Variants in TM9SF3 observed in about 807,000 individuals in gnomAD.
The protein encoded by TM9SF3 is transmembrane 9 superfamily member 3.
In TM9SF3, 14 loss-of-function variants were observed where a neutral mutation model predicts 78.6. The ratio of observed to expected loss-of-function variants is 0.18; its 90% CI spans 0.12 to 0.28. TM9SF3 has a LOEUF of 0.28. Ranked by LOEUF, TM9SF3 falls within the 10% of genes least tolerant of loss-of-function variation. The pLI, the probability that TM9SF3 is intolerant of heterozygous loss-of-function variation, is 1.00. For missense variants in TM9SF3, 496 were observed against 721.9 expected (o/e 0.69, Z 3.59); for synonymous variants, 231 against 241.7 (o/e 0.96, Z 0.41).
rs1463059943 is a variant in TM9SF3 at position 96,527,456 on chromosome 10, A to C, written c.1582T>G (p.Tyr528Asp). The C allele has an allele frequency of 6.2e-7, 1 of 1,611,492 alleles. No homozygotes were observed. The highest frequency in any genetic ancestry group is 8.5e-7 in the Non-Finnish European group (1 of 1,178,590). The change falls in exon 13 of 15, where the codon TAT (tyrosine) becomes GAT (aspartate). Residue 528 changes from tyrosine to aspartate, a missense_variant. Physicochemically the swap from Tyr to Asp is radical, Grantham distance 160 (BLOSUM62 -3). This residue lies in a region of TM9SF3 where 280 missense variants were observed against 422.6 expected (regional missense o/e 0.66). Transcript: ENST00000371142. The part of the protein sequence containing the change: ...SFLSAASTAI[Y>D]VYMYSFYYYF... The stretch of plus-strand genomic sequence containing the variant: ...TAGTAAAAGGAATACATGTAAACAT[A>C]GATTGCAGTTGATGCAGCAGAGAGA...
intron 9 of TM9SF3, among the ~76,000 whole-genome samples, chr10:96,540,960 T>C (rs1037754428): frequency 2.0e-5 from 3 of 151,818 alleles, no homozygotes; most frequent in Non-Finnish European, 2.9e-5. Flanking sequence ...GTATTTTTAG[T>C]AGAGACGGGG....
chr10:96,545,386 A>T (rs17482894), intron 8 of TM9SF3, among the ~76,000 whole-genome samples: 83 of 152,294 alleles, frequency 5.4e-4, no homozygotes, highest in South Asian at 1.2e-3. Context: ...ACGTTCCTCC[A>T]GAAAAACTCC....
At chr10:96,541,437 G>A (rs564302983) in intron 9 of TM9SF3, among the ~76,000 whole-genome samples, 4 of 151,830 alleles carry the variant, frequency 2.6e-5, no homozygotes, top group African/African-American at 7.2e-5. Context: ...GTGCAATGGC[G>A]TGATCTCAGC....
At chr10:96,586,316 T>G (rs1167858389) in intron 1 of TM9SF3, among the ~76,000 whole-genome samples, 3 of 152,178 alleles carry the variant, frequency 2.0e-5, no homozygotes, top group East Asian at 3.9e-4. Context: ...TGCATCCATC[T>G]TCCTCGGCGT....
intron 8 of TM9SF3, 40 bp downstream of exon 8, chr10:96,547,855 A>T: frequency 6.7e-7 from 1 of 1,486,624 alleles, no homozygotes. Flanking sequence ...AAATATTAGC[A>T]TCTATAATTA....
intron 2 of TM9SF3, among the ~76,000 whole-genome samples, chr10:96,570,556 C>A (rs927398526): frequency 6.6e-6 from 1 of 152,186 alleles, no homozygotes; most frequent in Non-Finnish European, 1.5e-5. Flanking sequence ...ATTATTTGGT[C>A]TGGCTAAAAC....
At chr10:96,569,893 G>A (rs973701516) in intron 2 of TM9SF3, among the ~76,000 whole-genome samples, 1 of 152,276 alleles carries the variant, frequency 6.6e-6, no homozygotes, top group South Asian at 2.1e-4. Flanking sequence ...TCAGCTTGGC[G>A]TGGTGGCGTG....
intron 12 of TM9SF3, 133 bp downstream of exon 12, chr10:96,527,898 G>T: frequency 2.3e-6 from 2 of 872,584 alleles, no homozygotes; most frequent in South Asian, 2.6e-5. Flanking sequence ...TTTATAACTG[G>T]AAAAAAATCC....
At chr10:96,565,540 AT>A in intron 2 of TM9SF3, 114 bp from the exon 3 acceptor site, 1 of 1,207,820 alleles carries the variant, frequency 8.3e-7, no homozygotes, top group Non-Finnish European at 1.1e-6. Context: ...TCTATTCACA[AT>A]AGCTGAATCT....
chr10:96,563,187 T>C (rs1690188000), intron 3 of TM9SF3, among the ~76,000 whole-genome samples: 1 of 152,128 alleles, frequency 6.6e-6, no homozygotes, highest in Non-Finnish European at 1.5e-5. Flanking sequence ...ACAATCCTCC[T>C]ACCTCAGCCT....
chr10:96,547,732 A>C (rs573006299), intron 8 of TM9SF3, among the ~76,000 whole-genome samples, 163 bp downstream of exon 8: 1 of 152,324 alleles, frequency 6.6e-6, no homozygotes, highest in South Asian at 2.1e-4. Flanking sequence ...AGGCACGAGA[A>C]TCGCTTGAAC....
chr10:96,579,034 C>A (rs1319071038), intron 1 of TM9SF3, among the ~76,000 whole-genome samples: 1 of 152,170 alleles, frequency 6.6e-6, no homozygotes, highest in Admixed American at 6.5e-5. Context: ...CCTGAGATTG[C>A]GCCACTGCAC....
intron 1 of TM9SF3, among the ~76,000 whole-genome samples, chr10:96,581,552 A>T (rs1176735090): frequency 6.6e-6 from 1 of 152,248 alleles, no homozygotes; most frequent in Non-Finnish European, 1.5e-5. Flanking sequence ...TCTCAAAAAT[A>T]GCTTTGTACC....
In TM9SF3 at chr10:96,521,659, T is replaced by C. The variant is rs926284585; in HGVS notation, c.*604A>G. Reference sequence around the variant, plus strand: ...TTGGTCCAACTAAGATGACAGCAGATATATTACATGCAGGATTTAATATTT... The same window carrying C: ...TTGGTCCAACTAAGATGACAGCAGACATATTACATGCAGGATTTAATATTT... On this transcript the variant is annotated 3_prime_UTR_variant, in exon 15 of 15. Coordinates refer to ENST00000371142, the MANE Select transcript of TM9SF3 (RefSeq NM_020123.4). The C allele has an allele frequency of 6.6e-6, 1 of 152,142 alleles. No individual in the cohort carries two copies. Among genetic ancestry groups the C allele is most frequent in the South Asian group, 2.1e-4 (1 of 4,820 alleles). 9.4% of individuals were successfully genotyped at this position (152,142 alleles called of 1,614,324 possible). A position where few individuals can be genotyped will look rare whatever the true frequency, so the allele number is the denominator to read the frequency against.
intron 2 of TM9SF3, among the ~76,000 whole-genome samples, chr10:96,567,499 C>T (rs545119087): frequency 6.6e-6 from 1 of 152,308 alleles, no homozygotes; most frequent in South Asian, 2.1e-4. Flanking sequence ...CCCACACACC[C>T]TGTGCTCTCT....
At position 96,532,308 on chromosome 10, in the gene TM9SF3, A is replaced by C. The variant is rs867733385; in HGVS notation, c.1325+743T>G. Among the ~76,000 whole-genome samples the C allele has an allele frequency of 9.2e-5, 14 of 152,238 alleles. No individual in the cohort carries two copies. In the South Asian group the frequency reaches 2.1e-3, roughly 23 times the overall value. On this transcript the variant is annotated intron_variant, in intron 10 of 14. Coordinates refer to ENST00000371142, the MANE Select transcript of TM9SF3 (RefSeq NM_020123.4). ...ATAAGCACCAATCTAAGGAAAGAAA[A>C]GAATATGGCCAATTCAAACTATAGG...
intron 1 of TM9SF3, among the ~76,000 whole-genome samples, chr10:96,583,197 T>G (rs1281313910): frequency 6.6e-6 from 1 of 152,126 alleles, no homozygotes; most frequent in African/African-American, 2.4e-5. Context: ...ATCAGGGGCT[T>G]TGGGGAATGG....
At chr10:96,566,253 A>C (rs1848368693) in intron 2 of TM9SF3, among the ~76,000 whole-genome samples, 1 of 152,250 alleles carries the variant, frequency 6.6e-6, no homozygotes, top group Non-Finnish European at 1.5e-5. Context: ...GTTTGTTTTT[A>C]AGTTCTATAC....
Position 96,520,675 on chromosome 10 carries a change from C to A in TM9SF3, c.*1588G>T. On this transcript the variant is annotated 3_prime_UTR_variant, in exon 15 of 15. Transcript: ENST00000371142. ...CCAGAAAAATGTATTCAAATCACTTCTCTTACAAAACTGTAACCTTTATTT... is the reference window on the plus strand; with the variant it reads ...CCAGAAAAATGTATTCAAATCACTTATCTTACAAAACTGTAACCTTTATTT... 5.2e-6 allele frequency: 2 copies of A among 386,258 alleles called. No homozygotes were observed. Among genetic ancestry groups the A allele is most frequent in the Non-Finnish European group, 9.2e-6 (2 of 217,728 alleles). The allele number at this position is 386,258 out of a possible 1,614,324, so 23.9% of individuals were successfully genotyped here.
Sources: gnomAD v4.1 joint callset for allele counts (sites outside exome capture counted in the v4.1 genomes callset) on GRCh38, gnomAD v4.1.1 for gene constraint, gnomAD v4.1.1 regional missense constraint, MANE v1.5 for transcripts, NCBI Gene and HGNC (gene_info 2026-07-23, HGNC 2026-07-21) for gene names.